The following CA12 variants were observed in gnomAD, a reference collection of about 807,000 sequenced individuals.
CA12 encodes the protein carbonic anhydrase 12, also known as carbonate dehydratase XII.
In CA12, 36 loss-of-function variants were observed where a neutral mutation model predicts 46.8. That is an observed-to-expected ratio of 0.77 (90% CI 0.59 to 1.02). CA12 has a LOEUF of 1.02. CA12 is among the 50% of genes least tolerant of loss of function. The probability of loss-of-function intolerance (pLI) is 0.00; values close to 1 mark genes in which losing one functional copy is unlikely to be tolerated. For missense variants in CA12, 436 were observed against 451.4 expected (o/e 0.97, Z 0.31); for synonymous variants, 202 against 187.0 (o/e 1.08, Z -0.65).
In CA12 at chr15:63,369,334, T is replaced by C. The variant is rs368573321; in HGVS notation, c.106+6324A>G. 1.2e-4 allele frequency among the ~76,000 whole-genome samples: 18 copies of C among 152,304 alleles called. 1 individual carries two copies. The highest frequency in any genetic ancestry group is 7.8e-4 in the Admixed American group (12 of 15,304). ...AGAGTTTACAAGGCCTTTCCCTCCATATTAGTTCATTTAATCTGCACCATA... is the reference window on the plus strand; with the variant it reads ...AGAGTTTACAAGGCCTTTCCCTCCACATTAGTTCATTTAATCTGCACCATA... On this transcript the variant is annotated intron_variant, in intron 2 of 10. Transcript: ENST00000178638.
intron 4 of CA12, among the ~76,000 whole-genome samples, chr15:63,343,279 C>CTTTTTTTTTTT (rs35290345): frequency 1.0e-5 from 1 of 98,772 alleles, no homozygotes; most frequent in Non-Finnish European, 1.9e-5. Context: ...TAGAAAGAAT[C>CTTTTTTTTTTT]TTTTTTTTTT....
chr15:63,324,802 G>A lies in CA12; in HGVS notation c.*1483C>T, dbSNP rs2038844581. 6.6e-6 allele frequency: 1 copy of A among 150,940 alleles called. No individual in the cohort carries two copies. The highest frequency in any genetic ancestry group is 6.7e-5 in the Admixed American group (1 of 15,022). 9.4% of individuals were successfully genotyped at this position (150,940 alleles called of 1,614,324 possible). A position where few individuals can be genotyped will look rare whatever the true frequency, so the allele number is the denominator to read the frequency against. ...CTCCTGGGTTCAAGCGATTCCAGAA[G>A]AGAGAATTCTTAGAGTCAGAGGGAG... is the stretch of plus-strand genomic sequence containing the variant. On this transcript the variant is annotated 3_prime_UTR_variant, in exon 11 of 11. Transcript: ENST00000178638.
At position 63,325,289 on chromosome 15, in the gene CA12, T is replaced by G. The variant is rs1162530668; in HGVS notation, c.*996A>C. On this transcript the variant is annotated 3_prime_UTR_variant, in exon 11 of 11. Transcript: ENST00000178638. This position sits in a 1 kb window ranked among gnomAD's most constrained non-coding sequence, Gnocchi z 4.9. Reference sequence around the variant, plus strand: ...CTACAGAGAATAAGTTCTACAGTCATTTTGTTTCTGCCTATTTCCTCCAGA... The same window carrying G: ...CTACAGAGAATAAGTTCTACAGTCAGTTTGTTTCTGCCTATTTCCTCCAGA... The G allele has an allele frequency of 6.6e-6, 1 of 152,234 alleles. No individual in the cohort carries two copies. Among genetic ancestry groups the G allele is most frequent in the Non-Finnish European group, 1.5e-5 (1 of 68,046 alleles). 9.4% of individuals were successfully genotyped at this position (152,234 alleles called of 1,614,324 possible).
Position 63,374,768 on chromosome 15 carries a change from C to T in CA12, c.106+890G>A, listed in dbSNP as rs945922214. ...GTAATCAACTTCCCGCCTGTCCCCGCCCACAGCCATTGCATCCTGTGGCTT... is the reference window on the plus strand; with the variant it reads ...GTAATCAACTTCCCGCCTGTCCCCGTCCACAGCCATTGCATCCTGTGGCTT... On this transcript the variant is annotated intron_variant, in intron 2 of 10. Coordinates refer to ENST00000178638, the MANE Select transcript of CA12 (RefSeq NM_001218.5). The surrounding 1 kb of genome is among the most constrained non-coding windows in gnomAD (Gnocchi z 4.4). Among the ~76,000 whole-genome samples the T allele has an allele frequency of 1.3e-5, 2 of 152,334 alleles. No homozygotes were observed. Among genetic ancestry groups the T allele is most frequent in the East Asian group, 1.9e-4 (1 of 5,184 alleles).
Position 63,345,111 on chromosome 15 carries a change from G to A in CA12, c.429+366C>T, listed in dbSNP as rs1412563680. ...TGAAGAAAGGCTGAGAAGTTTGGGG[G>A]AGCAGTGAGCCCAGTGTGAGTCAGC... On this transcript the variant is annotated intron_variant, in intron 4 of 10. Coordinates refer to ENST00000178638, the MANE Select transcript of CA12 (RefSeq NM_001218.5). The surrounding 1 kb of genome is among the most constrained non-coding windows in gnomAD (Gnocchi z 4.3). Among the ~76,000 whole-genome samples, 1 of 152,208 alleles carries A rather than the reference G, an allele frequency of 6.6e-6. No homozygotes were observed. Among genetic ancestry groups the A allele is most frequent in the Non-Finnish European group, 1.5e-5 (1 of 68,036 alleles).
chr15:63,323,392 T>C lies in CA12; in HGVS notation c.*2893A>G, dbSNP rs750631765. On this transcript the variant is annotated 3_prime_UTR_variant, in exon 11 of 11. Transcript: ENST00000178638. This position sits in a 1 kb window ranked among gnomAD's most constrained non-coding sequence, Gnocchi z 5.1. Reference sequence around the variant, plus strand: ...ATTGAGTCTATCAGCTTATTTTCCTTTGGAGCCAGGTTCTAAGAAGTGGAT... The same window carrying C: ...ATTGAGTCTATCAGCTTATTTTCCTCTGGAGCCAGGTTCTAAGAAGTGGAT... 8 of 152,252 alleles carry C rather than the reference T, an allele frequency of 5.3e-5. No individual in the cohort carries two copies. Among genetic ancestry groups the C allele is most frequent in the Non-Finnish European group, 7.3e-5 (5 of 68,030 alleles). The allele number at this position is 152,252 out of a possible 1,614,324, so 9.4% of individuals were successfully genotyped here. A position where few individuals can be genotyped will look rare whatever the true frequency, so the allele number is the denominator to read the frequency against.
At chr15:63,376,413 C>G (rs1420443753) in intron 1 of CA12, among the ~76,000 whole-genome samples, 1 of 152,188 alleles carries the variant, frequency 6.6e-6, no homozygotes, top group African/African-American at 2.4e-5. Flanking sequence ...CCTTTCATGG[C>G]ATGGCTACAC....
chr15:63,346,635 G>T lies in CA12; in HGVS notation c.181C>A (p.His61Asn), dbSNP rs2039153413. 3.1e-6 allele frequency: 5 copies of T among 1,613,528 alleles called. No individual in the cohort carries two copies. The highest frequency in any genetic ancestry group is 4.2e-6 in the Non-Finnish European group (5 of 1,179,844). ...GGLLQSPIDL[H>N]SDILQYDASL... is the part of the protein sequence containing the mutation. ...GCGTCATACTGGAGGATGTCACTGT[G>T]CAGGTCTATGGGGGACTGCAGCAGG... The change falls in exon 3 of 11, where the codon CAC (histidine) becomes AAC (asparagine). Residue 61 changes from histidine to asparagine, a missense_variant. Transcript: ENST00000178638.
At chr15:63,362,923 C>T (rs557195988) in intron 2 of CA12, among the ~76,000 whole-genome samples, 1 of 152,188 alleles carries the variant, frequency 6.6e-6, no homozygotes, top group Non-Finnish European at 1.5e-5. Context: ...AGGCATTCGA[C>T]CAACCTGCCA....
At chr15:63,368,293 G>A (rs2152625417) in intron 2 of CA12, among the ~76,000 whole-genome samples, 1 of 152,300 alleles carries the variant, frequency 6.6e-6, no homozygotes, top group African/African-American at 2.4e-5. Context: ...TTGGCCTGGT[G>A]GTGTGGCCCC....
intron 1 of CA12, among the ~76,000 whole-genome samples, chr15:63,376,558 C>CTTTCTTTCT (rs1218099551): frequency 3.6e-3 from 10 of 2,774 alleles, no homozygotes; most frequent in Admixed American, 8.0e-3. Flanking sequence ...TCTTTCTTTC[C>CTTTCTTTCT]TTTCTTTCTT....
intron 8 of CA12, 120 bp downstream of exon 8, chr15:63,338,699 G>T: frequency 7.4e-7 from 1 of 1,353,288 alleles, no homozygotes; most frequent in Non-Finnish European, 1.0e-6. Flanking sequence ...TCCCGTGGCA[G>T]CCAGGGAGCT....
rs2038832256 is a variant in CA12 at position 63,324,029 on chromosome 15, CA to C, written c.*2255del. ...CACACACCACAGTACTGGCATCCTT[CA>C]GGGGCAGCTGGCATCAGTGGAATGA... On this transcript the variant is annotated 3_prime_UTR_variant, in exon 11 of 11. Transcript: ENST00000178638. 6.6e-6 allele frequency: 1 copy of C among 152,258 alleles called. No homozygotes were observed. The allele number at this position is 152,258 out of a possible 1,614,324, so 9.4% of individuals were successfully genotyped here.
intron 2 of CA12, among the ~76,000 whole-genome samples, chr15:63,349,477 A>C (rs983200353): frequency 6.6e-6 from 1 of 152,310 alleles, no homozygotes; most frequent in African/African-American, 2.4e-5. Context: ...CTTGGGCACC[A>C]GTCACAGGTC....
At position 63,340,282 on chromosome 15, in the gene CA12, A is replaced by G; in HGVS notation, c.747+6T>C. 1 of 1,614,196 alleles carries G rather than the reference A, an allele frequency of 6.2e-7. No individual in the cohort carries two copies. Among genetic ancestry groups the G allele is most frequent in the Non-Finnish European group, 8.5e-7 (1 of 1,180,034 alleles). ...GGACTCTGGCTGAGTCTGGCACGAC[A>G]GTTACCTGCTCCTGGGAAATTTGCA... On this transcript the variant is annotated splice_donor_region_variant and intron_variant, in intron 7 of 10. Transcript: ENST00000178638. The surrounding 1 kb of genome is among the most constrained non-coding windows in gnomAD (Gnocchi z 4.4).
rs1303441297 is a variant in CA12 at position 63,325,981 on chromosome 15, C to T, written c.*304G>A. On this transcript the variant is annotated 3_prime_UTR_variant, in exon 11 of 11. Coordinates refer to ENST00000178638, the MANE Select transcript of CA12 (RefSeq NM_001218.5). The surrounding 1 kb of genome is among the most constrained non-coding windows in gnomAD (Gnocchi z 4.9). ...AAGTGTTTTCCAACCATTAATGGCCCACCAGCATGGCTTGGTTTGTGATTC... is the reference window on the plus strand; with the variant it reads ...AAGTGTTTTCCAACCATTAATGGCCTACCAGCATGGCTTGGTTTGTGATTC... 4.9e-6 allele frequency: 2 copies of T among 411,060 alleles called. No homozygotes were observed. The highest frequency in any genetic ancestry group is 9.1e-6 in the Non-Finnish European group (2 of 219,798). The allele number at this position is 411,060 out of a possible 1,614,324, so 25.5% of individuals were successfully genotyped here. A position where few individuals can be genotyped will look rare whatever the true frequency, so the allele number is the denominator to read the frequency against.
At chr15:63,333,867 T>C (rs1301974836) in intron 8 of CA12, among the ~76,000 whole-genome samples, 1 of 152,180 alleles carries the variant, frequency 6.6e-6, no homozygotes, top group Non-Finnish European at 1.5e-5. Context: ...CCACTAATGA[T>C]GTGATTATAG....
At chr15:63,347,362 C>A (rs1283324061) in intron 2 of CA12, among the ~76,000 whole-genome samples, 3 of 152,120 alleles carry the variant, frequency 2.0e-5, no homozygotes, top group Admixed American at 2.0e-4. Flanking sequence ...ACTCTTGATA[C>A]CCACATTTAG....
In CA12 at chr15:63,355,353, C is replaced by T. The variant is rs1416821239; in HGVS notation, c.107-8644G>A. Among the ~76,000 whole-genome samples the T allele has an allele frequency of 6.6e-6, 1 of 152,238 alleles. No homozygotes were observed. Among genetic ancestry groups the T allele is most frequent in the Non-Finnish European group, 1.5e-5 (1 of 68,028 alleles). ...GCCACACTGATCAAAGCAATATTGT[C>T]TGCCTTTCCACCCCAGTAGTCCAGT... On this transcript the variant is annotated intron_variant, in intron 2 of 10. Coordinates refer to ENST00000178638, the MANE Select transcript of CA12 (RefSeq NM_001218.5). The surrounding 1 kb of genome is among the most constrained non-coding windows in gnomAD (Gnocchi z 4.1).
Sources: gnomAD v4.1 joint callset for allele counts (sites outside exome capture counted in the v4.1 genomes callset) on GRCh38, gnomAD v4.1.1 for gene constraint, Gnocchi (gnomAD v3.1) non-coding constraint, MANE v1.5 for transcripts, NCBI Gene and HGNC (gene_info 2026-07-23, HGNC 2026-07-21) for gene names.